SRP68: variants seen among roughly 807,000 people sequenced by gnomAD.
SRP68 encodes signal recognition particle subunit SRP68.
A neutral mutation model predicts 82.2 loss-of-function variants in SRP68; 15 were observed. The ratio of observed to expected loss-of-function variants is 0.18; its 90% CI spans 0.12 to 0.28. The LOEUF is 0.28. SRP68 is among the 10% of genes least tolerant of loss of function. The pLI is 1.00. For synonymous variants in SRP68, 261 were observed against 292.6 expected (o/e 0.89, Z 1.10); for missense variants, 595 against 780.5 (o/e 0.76, Z 2.83).
At chr17:76,059,828 T>C (rs1228888966) in intron 7 of SRP68, among the ~76,000 whole-genome samples, 4 of 145,784 alleles carry the variant, frequency 2.7e-5, no homozygotes, top group African/African-American at 1.0e-4. Context: ...AAGTGTTAAC[T>C]GCAAAAAGTT....
At chr17:76,070,138 C>T (rs777321348) in intron 2 of SRP68, among the ~76,000 whole-genome samples, 35 of 143,764 alleles carry the variant, frequency 2.4e-4, no homozygotes, top group Non-Finnish European at 4.5e-4. Context: ...GCAGGAGAAT[C>T]GCTGGAACCC....
At chr17:76,053,946 G>C (rs2665974) in intron 8 of SRP68, among the ~76,000 whole-genome samples, 1 of 152,022 alleles carries the variant, frequency 6.6e-6, no homozygotes, top group South Asian at 2.1e-4. Context: ...GCCAGCCACT[G>C]GACCAACCAG....
intron 5 of SRP68, 131 bp from the exon 6 acceptor site, chr17:76,061,350 G>A: frequency 2.1e-6 from 2 of 965,994 alleles, no homozygotes; most frequent in Non-Finnish European, 3.2e-6. Context: ...CATGTTCTAA[G>A]GTTGAAAGAG....
intron 9 of SRP68, chr17:76,048,728 C>T (rs892703891): frequency 2.0e-5 from 3 of 152,216 alleles, no homozygotes; most frequent in African/African-American, 4.8e-5. Context: ...CCTCGAGAAG[C>T]GTAAGATAAT....
intron 12 of SRP68, 113 bp from the exon 13 acceptor site, chr17:76,044,071 G>GGCTCCCATGCGGT: frequency 5.7e-6 from 7 of 1,238,938 alleles, no homozygotes; most frequent in Non-Finnish European, 7.7e-6. Context: ...TCTTAACGTG[G>GGCTCCCATGCGGT]GATCACCGCA....
In SRP68 at chr17:76,063,977, T is replaced by C. The variant is rs1390272750; in HGVS notation, c.560A>G (p.Gln187Arg). Residue 187 changes from glutamine to arginine, a missense_variant and splice_region_variant, in exon 4 of 16, where the codon CAG becomes CGG. By Grantham distance (43) the Gln-to-Arg change is conservative. Around this residue, in one of 2 missense-constraint regions of SRP68, gnomAD observed 495 missense variants for 688.6 expected, o/e 0.72. Coordinates refer to ENST00000307877, the MANE Select transcript of SRP68 (RefSeq NM_014230.4). ...CAAGCTGAATGTTGAGGTACTAACC[T>C]GAGCCTCTAATTTGGTCTTGGCATC... ...RVDAKTKLEA[Q>R]AYTAYLSGML... 3 of 1,612,948 alleles carry C rather than the reference T, an allele frequency of 1.9e-6. No homozygotes were observed. Among genetic ancestry groups the C allele is most frequent in the Admixed American group, 3.3e-5 (2 of 59,950 alleles).
At chr17:76,063,423 C>T (rs551924051) in intron 4 of SRP68, among the ~76,000 whole-genome samples, 20 of 152,238 alleles carry the variant, frequency 1.3e-4, no homozygotes, top group African/African-American at 2.4e-4. Flanking sequence ...CAGTGGCTCA[C>T]GCTTGCAATC....
At chr17:76,064,797 C>A (rs915242462) in intron 3 of SRP68, among the ~76,000 whole-genome samples, 1 of 145,224 alleles carries the variant, frequency 6.9e-6, no homozygotes, top group Admixed American at 7.3e-5. Flanking sequence ...GCTGAGATCA[C>A]GCCACTATAC....
Position 76,039,468 on chromosome 17 carries a change from A to G in SRP68, c.*238T>C. On this transcript the variant is annotated 3_prime_UTR_variant, in exon 16 of 16. Transcript: ENST00000307877. ...ACCAGACAGCAGCGGCCCCTTTCCC[A>G]GGAGGTACAGGAGACAGGATGACCC... The G allele has an allele frequency of 1.5e-6, 1 of 648,824 alleles. No homozygotes were observed. The highest frequency in any genetic ancestry group is 2.8e-6 in the Non-Finnish European group (1 of 353,942). 40.2% of individuals were successfully genotyped at this position (648,824 alleles called of 1,614,324 possible).
intron 9 of SRP68, 143 bp from the exon 10 acceptor site, chr17:76,048,113 C>T (rs1269949065): frequency 2.5e-6 from 1 of 394,196 alleles, no homozygotes; most frequent in Non-Finnish European, 4.7e-6. Flanking sequence ...TATCAAAGAT[C>T]TATACTTGAC....
chr17:76,062,012 C>G (rs945866295), intron 4 of SRP68, among the ~76,000 whole-genome samples: 1 of 151,186 alleles, frequency 6.6e-6, no homozygotes, highest in Admixed American at 6.6e-5. Flanking sequence ...TGTGGCCAGG[C>G]GCAGTGGCTC....
At chr17:76,050,920 C>A (rs1461513984) in intron 8 of SRP68, among the ~76,000 whole-genome samples, 1 of 151,902 alleles carries the variant, frequency 6.6e-6, no homozygotes, top group Non-Finnish European at 1.5e-5. Context: ...TACACTGAAG[C>A]ACAGCACACC....
intron 3 of SRP68, 63 bp from the exon 4 acceptor site, chr17:76,064,234 G>A: frequency 6.8e-7 from 1 of 1,465,824 alleles, no homozygotes; most frequent in Non-Finnish European, 9.3e-7. Context: ...TATTCTCTGA[G>A]GTGTAATCTT....
Position 76,047,925 on chromosome 17 carries a change from T to G in SRP68, c.1123A>C (p.Asn375His), listed in dbSNP as rs2066643602. Reference protein sequence around the residue: ...ILEGEPGKVSNLQYLHSYLTY... With the variant: ...ILEGEPGKVSHLQYLHSYLTY... Reference sequence around the variant, plus strand: ...CCTTACCTATGCAAGTATTGAAGATTAGACACCTTCCCTGGCTCTCCTTCA... The same window carrying G: ...CCTTACCTATGCAAGTATTGAAGATGAGACACCTTCCCTGGCTCTCCTTCA... Residue 375 changes from asparagine (N) to histidine (H), a missense_variant, in exon 10 of 16, where the codon AAT becomes CAT. Around this residue, in one of 2 missense-constraint regions of SRP68, gnomAD observed 495 missense variants for 688.6 expected, o/e 0.72. Transcript: ENST00000307877. 1.9e-6 allele frequency: 3 copies of G among 1,572,236 alleles called. No homozygotes were observed. Among genetic ancestry groups the G allele is most frequent in the Non-Finnish European group, 2.6e-6 (3 of 1,156,052 alleles).
At chr17:76,053,398 T>A in intron 8 of SRP68, 1 of 932,840 alleles carries the variant, frequency 1.1e-6, no homozygotes, top group Non-Finnish European at 1.3e-6. Flanking sequence ...ACAAGTGGGG[T>A]TAAGTGGTTG....
chr17:76,070,850 G>GCACACACACACGCACA (rs2066846926), intron 1 of SRP68, among the ~76,000 whole-genome samples: 1 of 146,780 alleles, frequency 6.8e-6, no homozygotes, highest in East Asian at 2.0e-4. Flanking sequence ...ACATGCACAT[G>GCACACACACACGCACA]CACACACACA....
chr17:76,067,140 C>T (rs1452775875), intron 3 of SRP68, 77 bp downstream of exon 3: 1 of 1,103,754 alleles, frequency 9.1e-7, no homozygotes, highest in Non-Finnish European at 1.4e-6. Flanking sequence ...AAAGGTTTGG[C>T]ATGAAGTCTA....
chr17:76,056,003 GGGTTTCACCATGATGCCCAGGCT>G (rs2066711770), intron 8 of SRP68, among the ~76,000 whole-genome samples: 2 of 151,588 alleles, frequency 1.3e-5, no homozygotes, highest in Non-Finnish European at 2.9e-5. Context: ...TGTAGAGATG[GGGTTTCACCATGATGCCCAGGCT>G]GGTCTCCAAC....
intron 10 of SRP68, among the ~76,000 whole-genome samples, chr17:76,046,680 A>G (rs557577784): frequency 6.6e-6 from 1 of 152,164 alleles, no homozygotes; most frequent in African/African-American, 2.4e-5. Context: ...AGTGGCTCCC[A>G]TCTGTAATCC....
Sources: allele counts gnomAD v4.1 joint callset (sites outside exome capture counted in the v4.1 genomes callset), GRCh38; gene constraint gnomAD v4.1.1; regional missense constraint gnomAD v4.1.1; transcripts MANE v1.5; gene names NCBI Gene and HGNC (gene_info 2026-07-23, HGNC 2026-07-21).